ARID1B: variants seen among roughly 807,000 people sequenced by gnomAD.
ARID1B encodes AT-rich interactive domain-containing protein 1B.
In ARID1B, 30 loss-of-function variants were observed where a neutral mutation model predicts 212.3. The observed-to-expected ratio is 0.14, with a 90% CI of 0.11 to 0.19. ARID1B has a LOEUF of 0.19. Among genes scored for constraint, ARID1B ranks in the 10% least tolerant of loss-of-function variants. The pLI, the probability that ARID1B is intolerant of heterozygous loss-of-function variation, is 1.00. For missense variants in ARID1B, 2,891 were observed against 3,204.0 expected (o/e 0.90, Z 2.36); for synonymous variants, 1,402 against 1,301.7 (o/e 1.08, Z -1.66).
intron 2 of ARID1B, among the ~76,000 whole-genome samples, chr6:156,882,716 C>G (rs1324792538): frequency 6.6e-6 from 1 of 152,084 alleles, no homozygotes; most frequent in South Asian, 2.1e-4. Flanking sequence ...TAAATGAGAT[C>G]GTCTGTGTGA....
Position 157,190,310 on chromosome 6 carries a change from C to T in ARID1B, c.4231+100C>T. 7.4e-7 allele frequency: 1 copy of T among 1,354,892 alleles called. No individual in the cohort carries two copies. The highest frequency in any genetic ancestry group is 1.5e-5 in the South Asian group (1 of 68,508). The allele number at this position is 1,354,892 out of a possible 1,614,324, so 83.9% of individuals were successfully genotyped here. ...CTTTCACTCAGAACACCTCTGAGCC[C>T]ATGCTGCATCGGTGTGGGTCCCAGG... On this transcript the variant is annotated intron_variant, in intron 15 of 19. Coordinates refer to ENST00000636930, the MANE Select transcript of ARID1B (RefSeq NM_001374828.1). This position sits in a 1 kb window ranked among gnomAD's most constrained non-coding sequence, Gnocchi z 4.6.
intron 4 of ARID1B, among the ~76,000 whole-genome samples, chr6:157,017,963 CAAA>C (rs112983063): frequency 5.1e-5 from 5 of 97,314 alleles, no homozygotes; most frequent in Non-Finnish European, 8.2e-5. Context: ...ACCATCTCTA[CAAA>C]AAAAAAAAAA....
rs566383708 is a variant in ARID1B, at chr6:157,051,356, C to G, written c.2248-33306C>G. On this transcript the variant is annotated intron_variant, in intron 4 of 19. Transcript: ENST00000636930. ...AAACAGCAGATAGAAATGAGCACAA[C>G]GAAACTAGATCTTCCAGGCAGCTCC... Among the ~76,000 whole-genome samples the G allele has an allele frequency of 2.0e-5, 3 of 152,050 alleles. No individual in the cohort carries two copies. The East Asian group carries it at 5.8e-4, about 29-fold the overall frequency.
At chr6:157,082,156 C>G (rs1198691770) in intron 4 of ARID1B, among the ~76,000 whole-genome samples, 1 of 152,092 alleles carries the variant, frequency 6.6e-6, no homozygotes, top group Non-Finnish European at 1.5e-5. Flanking sequence ...AGTTCCTGTT[C>G]CTGTTAAAGC....
chr6:156,844,036 C>CT (rs1475275816), intron 2 of ARID1B, among the ~76,000 whole-genome samples: 2 of 152,124 alleles, frequency 1.3e-5, no homozygotes, highest in African/African-American at 4.8e-5. Context: ...GTAGAGTGTG[C>CT]TTTTCAAGTT....
chr6:156,981,003 G>A (rs534945888), intron 4 of ARID1B, among the ~76,000 whole-genome samples: 41 of 152,308 alleles, frequency 2.7e-4, no homozygotes, highest in African/African-American at 9.6e-4. Flanking sequence ...AAACATCTGT[G>A]TAATCATGGC....
upstream of ARID1B, chr6:156,777,200 G>A (rs1778671879): frequency 3.3e-5 from 5 of 150,978 alleles, no homozygotes; most frequent in South Asian, 9.2e-4. Context: ...AGCGGCCGCC[G>A]AGCCGCCCCG....
chr6:157,206,093 T>C lies in ARID1B; in HGVS notation c.5395-74T>C, dbSNP rs760886652. 3.4e-6 allele frequency: 5 copies of C among 1,489,118 alleles called. No homozygotes were observed. The highest frequency in any genetic ancestry group is 4.6e-6 in the Non-Finnish European group (5 of 1,093,494). 92.2% of individuals were successfully genotyped at this position (1,489,118 alleles called of 1,614,324 possible). ...AGGTATTGACGGGTCTCAGGATCTT[T>C]ACCCTCCTCGGTCATATCTGATGTC... On this transcript the variant is annotated intron_variant, in intron 19 of 19. Coordinates refer to ENST00000636930, the MANE Select transcript of ARID1B (RefSeq NM_001374828.1). The surrounding 1 kb of genome is among the most constrained non-coding windows in gnomAD (Gnocchi z 6.8).
chr6:157,095,472 A>G (rs1473293443), intron 5 of ARID1B, among the ~76,000 whole-genome samples: 3 of 152,256 alleles, frequency 2.0e-5, no homozygotes, highest in Non-Finnish European at 4.4e-5. Context: ...AAATGCAAGA[A>G]GAAATGTTTC....
intron 3 of ARID1B, among the ~76,000 whole-genome samples, chr6:156,928,643 A>T (rs1791443695): frequency 6.6e-6 from 1 of 152,180 alleles, no homozygotes; most frequent in Non-Finnish European, 1.5e-5. Context: ...CCCCATTCTT[A>T]AAGGACAGGG....
chr6:157,007,878 G>GT (rs1562544537), intron 4 of ARID1B, among the ~76,000 whole-genome samples: 1 of 151,882 alleles, frequency 6.6e-6, no homozygotes, highest in Non-Finnish European at 1.5e-5. Context: ...GGGTTTCACC[G>GT]TGTTAGCCAG....
At chr6:156,896,973 G>A (rs1166247876) in intron 2 of ARID1B, among the ~76,000 whole-genome samples, 1 of 152,112 alleles carries the variant, frequency 6.6e-6, no homozygotes, top group African/African-American at 2.4e-5. Flanking sequence ...AAAAGTTCAG[G>A]GTATGGTGAA....
At chr6:157,000,696 C>CTTTTTTTTTTTTTTTTTT (rs10536002) in intron 4 of ARID1B, among the ~76,000 whole-genome samples, 6 of 99,230 alleles carry the variant, frequency 6.0e-5, no homozygotes, top group African/African-American at 8.0e-5. Flanking sequence ...TCTAATTATT[C>CTTTTTTTTTTTTTTTTTT]TTTTTTTTTT....
chr6:156,867,338 C>A lies in ARID1B; in HGVS notation c.1987-34038C>A, dbSNP rs190345072. 6.7e-4 allele frequency among the ~76,000 whole-genome samples: 102 copies of A among 152,250 alleles called. 1 individual carries two copies. Among genetic ancestry groups the A allele is most frequent in the African/African-American group, 2.4e-3 (99 of 41,540 alleles). On this transcript the variant is annotated intron_variant, in intron 2 of 19. Coordinates refer to ENST00000636930, the MANE Select transcript of ARID1B (RefSeq NM_001374828.1). Reference sequence around the variant, plus strand: ...GCTGTGTGGATGGCAGCAATAAGAACCCTCACTGCTGAGGACATAGGAAGA... The same window carrying A: ...GCTGTGTGGATGGCAGCAATAAGAAACCTCACTGCTGAGGACATAGGAAGA...
At chr6:157,186,445 G>T in intron 13 of ARID1B, 1 of 471,086 alleles carries the variant, frequency 2.1e-6, no homozygotes, top group Admixed American at 2.3e-5. Flanking sequence ...CGTGCAGGGG[G>T]CTCCAGGCAC....
intron 6 of ARID1B, among the ~76,000 whole-genome samples, chr6:157,120,188 A>G (rs1485649440): frequency 6.6e-6 from 1 of 152,152 alleles, no homozygotes; most frequent in Non-Finnish European, 1.5e-5. Flanking sequence ...GCTAAAACTT[A>G]AAGGATTTGT....
At chr6:157,079,486 A>G (rs962766516) in intron 4 of ARID1B, among the ~76,000 whole-genome samples, 2 of 152,184 alleles carry the variant, frequency 1.3e-5, no homozygotes, top group East Asian at 1.9e-4. Context: ...CACGTGACCA[A>G]AAATGATAGT....
intron 4 of ARID1B, chr6:156,938,946 G>A (rs1252279847): frequency 1.3e-5 from 2 of 152,152 alleles, no homozygotes; most frequent in Non-Finnish European, 2.9e-5. Context: ...GCAAATGATT[G>A]ATAAATTAAT....
At chr6:157,098,083 TAGAA>T (rs1368694676) in intron 5 of ARID1B, among the ~76,000 whole-genome samples, 3 of 152,124 alleles carry the variant, frequency 2.0e-5, no homozygotes, top group Non-Finnish European at 4.4e-5. Flanking sequence ...AAAGGAATCT[TAGAA>T]AGAGGAAAAA....
Sources: gnomAD v4.1 joint callset for allele counts (sites outside exome capture counted in the v4.1 genomes callset) on GRCh38, gnomAD v4.1.1 for gene constraint, Gnocchi (gnomAD v3.1) non-coding constraint, MANE v1.5 for transcripts, NCBI Gene and HGNC (gene_info 2026-07-23, HGNC 2026-07-21) for gene names.